NME8: variants seen among roughly 807,000 people sequenced by gnomAD.
NME8 encodes protein NME8.
Under a neutral mutation model 82.3 loss-of-function variants are expected in NME8, and 72 were observed. That is an observed-to-expected ratio of 0.87 (90% CI 0.72 to 1.06). NME8 has a LOEUF of 1.06. NME8 is among the 50% of genes least tolerant of loss of function. The probability of loss-of-function intolerance (pLI) is 0.00; values close to 1 mark genes in which losing one functional copy is unlikely to be tolerated. For missense variants in NME8, 712 were observed against 685.4 expected, an observed-to-expected ratio of 1.04 and a Z score of -0.43; for synonymous variants, 267 against 228.5, an observed-to-expected ratio of 1.17 and a Z score of -1.52.
intron 12 of NME8, among the ~76,000 whole-genome samples, chr7:37,883,511 T>C (rs752563422): frequency 4.6e-5 from 7 of 152,242 alleles, no homozygotes; most frequent in Non-Finnish European, 1.0e-4. Context: ...TCCTGTTTTT[T>C]GGCCTCGATA....
intron 7 of NME8, among the ~76,000 whole-genome samples, chr7:37,862,527 GT>G (rs1271389519): frequency 2.6e-4 from 39 of 152,050 alleles, no homozygotes; most frequent in Non-Finnish European, 1.5e-5. Flanking sequence ...GACTTTATAA[GT>G]GTAAGTATAT....
chr7:37,876,235 TAGATAG>T (rs1562835695), intron 11 of NME8, among the ~76,000 whole-genome samples: 14 of 83,722 alleles, frequency 1.7e-4, no homozygotes, highest in Middle Eastern at 6.6e-3. Flanking sequence ...TATATATAGA[TAGATAG>T]ATAGATAGAT....
chr7:37,897,020 C>T lies in NME8; in HGVS notation c.1695C>T (p.Val565=), dbSNP rs1255642359. 1 of 1,613,866 alleles carries T rather than the reference C, an allele frequency of 6.2e-7. No homozygotes were observed. The highest frequency in any genetic ancestry group is 8.5e-7 in the Non-Finnish European group (1 of 1,179,872). The part of the protein sequence containing the change: ...QFGISKLKNI[V]HGASNAYEAK... ...GAATAAGTAAATTGAAAAACATTGTCCATGGAGCATCTAACGCCTATGAAG... is the reference window on the plus strand; with the variant it reads ...GAATAAGTAAATTGAAAAACATTGTTCATGGAGCATCTAACGCCTATGAAG... The change falls in exon 17 of 18, where the codon GTC becomes GTT. Residue 565 remains valine, a synonymous_variant. Transcript: ENST00000199447.
chr7:37,881,359 T>G (rs1784942016), intron 12 of NME8, among the ~76,000 whole-genome samples: 1 of 152,194 alleles, frequency 6.6e-6, no homozygotes, highest in Non-Finnish European at 1.5e-5. Flanking sequence ...TAATAATTTT[T>G]ATCATGAATT....
chr7:37,878,680 ATAGACTT>A (rs1784895293), intron 12 of NME8, among the ~76,000 whole-genome samples: 1 of 152,220 alleles, frequency 6.6e-6, no homozygotes. Context: ...TTTTAAATAA[ATAGACTT>A]TACAGAACAG....
Position 37,850,447 on chromosome 7 carries a change from C to G in NME8, c.91+12C>G. 1 of 1,613,864 alleles carries G rather than the reference C, an allele frequency of 6.2e-7. No individual in the cohort carries two copies. The highest frequency in any genetic ancestry group is 1.1e-5 in the South Asian group (1 of 91,066). On this transcript the variant is annotated intron_variant, in intron 4 of 17. Coordinates refer to ENST00000199447, the MANE Select transcript of NME8 (RefSeq NM_016616.5). The stretch of plus-strand genomic sequence containing the variant: ...CAAAGGCTTAACAGGTATAAGGACT[C>G]CCCGGCTGTCTGGCCACCTGGGGTT...
chr7:37,875,114 A>G (rs78063446), intron 11 of NME8, among the ~76,000 whole-genome samples: 3,128 of 152,324 alleles, frequency 0.021, 201 homozygotes, highest in Admixed American at 0.12. Context: ...AGGGAAGTCT[A>G]CAAACAACTG....
chr7:37,851,665 C>T (rs538197414), intron 5 of NME8, among the ~76,000 whole-genome samples: 1 of 151,796 alleles, frequency 6.6e-6, no homozygotes, highest in South Asian at 2.1e-4. Flanking sequence ...TTATTTTCAC[C>T]TTTTTTTGTT....
intron 12 of NME8, among the ~76,000 whole-genome samples, chr7:37,879,026 T>G (rs541403461): frequency 6.6e-6 from 1 of 152,244 alleles, no homozygotes; most frequent in African/African-American, 2.4e-5. Flanking sequence ...CCTACTAATC[T>G]CTTTCTCTCT....
intron 2 of NME8, among the ~76,000 whole-genome samples, chr7:37,849,761 C>T (rs1030378171): frequency 2.0e-5 from 3 of 151,256 alleles, no homozygotes; most frequent in Admixed American, 6.6e-5. Context: ...GTCACAGGTA[C>T]TCTGGAGGCT....
intron 15 of NME8, among the ~76,000 whole-genome samples, chr7:37,890,774 A>G (rs1283225367): frequency 6.6e-6 from 1 of 152,046 alleles, no homozygotes; most frequent in Non-Finnish European, 1.5e-5. Context: ...TTATAGCTGA[A>G]TAATATTCCA....
chr7:37,874,342 T>C (rs1784816146), intron 11 of NME8, among the ~76,000 whole-genome samples: 1 of 152,146 alleles, frequency 6.6e-6, no homozygotes, highest in Non-Finnish European at 1.5e-5. Context: ...TGTGGGTGTA[T>C]GTGGCAAAAT....
intron 6 of NME8, 86 bp downstream of exon 6, chr7:37,857,431 G>A: frequency 1.1e-6 from 1 of 878,632 alleles, no homozygotes; most frequent in Non-Finnish European, 1.9e-6. Flanking sequence ...CCATGAAATT[G>A]TTTGCCAATG....
intron 16 of NME8, 101 bp downstream of exon 16, chr7:37,894,711 C>T: frequency 8.6e-7 from 1 of 1,157,564 alleles, no homozygotes; most frequent in Non-Finnish European, 1.2e-6. Context: ...TTCATCTAAT[C>T]TCATTCATGA....
intron 6 of NME8, among the ~76,000 whole-genome samples, chr7:37,861,814 A>C (rs1181635577): frequency 6.6e-6 from 1 of 152,158 alleles, no homozygotes; most frequent in Non-Finnish European, 1.5e-5. Flanking sequence ...AGGACATGCA[A>C]ATTGGAGGTA....
At chr7:37,884,160 C>G (rs549900251) in intron 12 of NME8, 143 bp from the exon 13 acceptor site, 12 of 633,148 alleles carry the variant, frequency 1.9e-5, no homozygotes, top group African/African-American at 1.5e-4. Context: ...TAAATTAAAA[C>G]CTAAGAAGGT....
At chr7:37,894,331 C>A in intron 15 of NME8, 135 bp from the exon 16 acceptor site, 2 of 862,022 alleles carry the variant, frequency 2.3e-6, no homozygotes, top group Non-Finnish European at 3.7e-6. Context: ...ATTTTAATTT[C>A]GTTTGGCAGA....
rs1413757285 is a variant in NME8, at chr7:37,888,382, A to G, written c.1353A>G (p.Gln451=). 2 of 1,613,496 alleles carry G rather than the reference A, an allele frequency of 1.2e-6. No homozygotes were observed. The highest frequency in any genetic ancestry group is 4.5e-5 in the East Asian group (2 of 44,862). ...AAATACAGCATTTCTTTCCTCTTCA[A>G]AGCACTTTAGGCTTGATTAAACCTC... ...EREIQHFFPL[Q]STLGLIKPHA... The change falls in exon 15 of 18, where the codon CAA becomes CAG. Residue 451 remains glutamine (Q), a synonymous_variant. Coordinates refer to ENST00000199447, the MANE Select transcript of NME8 (RefSeq NM_016616.5).
chr7:37,873,311 A>T (rs1331384482), intron 11 of NME8, among the ~76,000 whole-genome samples: 1 of 148,942 alleles, frequency 6.7e-6, no homozygotes, highest in Admixed American at 6.8e-5. Context: ...AGTGAGCCAA[A>T]ATTGCGCCAC....
Sources: allele counts gnomAD v4.1 joint callset (sites outside exome capture counted in the v4.1 genomes callset), GRCh38; gene constraint gnomAD v4.1.1; transcripts MANE v1.5; gene names NCBI Gene and HGNC (gene_info 2026-07-23, HGNC 2026-07-21).